Variants in C8orf34 observed in about 807,000 individuals in gnomAD.
C8orf34 encodes chromosome 8 open reading frame 34.
In C8orf34, 65 loss-of-function variants were observed where a neutral mutation model predicts 68.3. That is an observed-to-expected ratio of 0.95 (90% confidence interval 0.78 to 1.17). C8orf34 has a LOEUF of 1.17. Ranked by LOEUF, C8orf34 falls within the 50% of genes most tolerant of loss-of-function variation. C8orf34 has a pLI of 0.00. For missense variants in C8orf34, 664 were observed against 655.4 expected, an observed-to-expected ratio of 1.01 and a Z score of -0.14; for synonymous variants, 244 against 241.2, an observed-to-expected ratio of 1.01 and a Z score of -0.11.
At chr8:68,394,967 A>C (rs1213953302) in intron 1 of C8orf34, among the ~76,000 whole-genome samples, 1 of 152,076 alleles carries the variant, frequency 6.6e-6, no homozygotes, top group Non-Finnish European at 1.5e-5. Flanking sequence ...CAATGTTTGC[A>C]GTTTAAATTC....
chr8:68,561,308 T>C (rs1816418144), intron 7 of C8orf34, among the ~76,000 whole-genome samples: 1 of 152,066 alleles, frequency 6.6e-6, no homozygotes, highest in South Asian at 2.1e-4. Context: ...GTTAACTCTT[T>C]GACTCTTTTT....
chr8:68,688,879 G>A (rs1225598569), intron 8 of C8orf34, among the ~76,000 whole-genome samples: 1 of 151,960 alleles, frequency 6.6e-6, no homozygotes, highest in Non-Finnish European at 1.5e-5. Flanking sequence ...AATGCAGTTG[G>A]GGCTTAATAC....
intron 10 of C8orf34, among the ~76,000 whole-genome samples, chr8:68,725,148 T>C (rs1821793119): frequency 6.6e-6 from 1 of 152,208 alleles, no homozygotes; most frequent in Non-Finnish European, 1.5e-5. Flanking sequence ...ATTACAGGAA[T>C]GAGCTTCCTT....
chr8:68,640,553 G>T lies in C8orf34; in HGVS notation c.1241+42G>T, dbSNP rs1189465767. 4 of 1,558,742 alleles carry T rather than the reference G, an allele frequency of 2.6e-6. 1 individual carries two copies. In the South Asian group the frequency reaches 4.7e-5, roughly 18 times the overall value. The stretch of plus-strand genomic sequence containing the variant: ...GTATAGTATATATAAACATGATCTT[G>T]ATTTTTAAAATCTAAGATTTTGATA... On this transcript the variant is annotated intron_variant, in intron 8 of 13. Transcript: ENST00000518698.
chr8:68,400,454 T>C (rs1432099788), intron 1 of C8orf34, among the ~76,000 whole-genome samples: 1 of 152,186 alleles, frequency 6.6e-6, no homozygotes, highest in African/African-American at 2.4e-5. Context: ...GGATATCCTT[T>C]CCCTAGTGTA....
chr8:68,775,637 A>G (rs1348422234), intron 10 of C8orf34, among the ~76,000 whole-genome samples: 3 of 152,234 alleles, frequency 2.0e-5, no homozygotes, highest in Non-Finnish European at 4.4e-5. Context: ...TATGTAAAAA[A>G]TATTTTTAAG....
At chr8:68,461,548 C>T (rs4737908) in intron 3 of C8orf34, among the ~76,000 whole-genome samples, 65,745 of 151,968 alleles carry the variant, frequency 0.43, 14,648 homozygotes, top group East Asian at 0.57. Context: ...AGAGAAAGGT[C>T]GGGTTACCCT....
At chr8:68,558,200 A>G (rs75519090) in intron 7 of C8orf34, among the ~76,000 whole-genome samples, 16,887 of 152,130 alleles carry the variant, frequency 0.11, 1,172 homozygotes, top group Non-Finnish European at 0.15. Flanking sequence ...TTTTATTCTG[A>G]GTCAACACAG....
intron 4 of C8orf34, among the ~76,000 whole-genome samples, chr8:68,477,551 C>A (rs1363153166): frequency 2.0e-5 from 3 of 152,214 alleles, no homozygotes; most frequent in South Asian, 4.1e-4. Flanking sequence ...AATGGTAGAT[C>A]TACTGACAGC....
intron 7 of C8orf34, among the ~76,000 whole-genome samples, chr8:68,575,254 G>A (rs958373691): frequency 1.3e-5 from 2 of 151,920 alleles, no homozygotes; most frequent in South Asian, 2.1e-4. Context: ...ATATTAAAAC[G>A]CCAATAAAAT....
At chr8:68,358,158 A>G (rs571437380) in intron 1 of C8orf34, among the ~76,000 whole-genome samples, 2 of 152,298 alleles carry the variant, frequency 1.3e-5, no homozygotes, top group South Asian at 4.1e-4. Context: ...ATTTTGGTAC[A>G]TTATGAGCTA....
chr8:68,699,918 C>A (rs1820938623), intron 8 of C8orf34, among the ~76,000 whole-genome samples: 1 of 152,034 alleles, frequency 6.6e-6, no homozygotes, highest in African/African-American at 2.4e-5. Context: ...GAAAATTTAA[C>A]AGGAAAGAGG....
chr8:68,442,270 G>C (rs888274074), intron 2 of C8orf34, among the ~76,000 whole-genome samples: 1 of 152,006 alleles, frequency 6.6e-6, no homozygotes, highest in Non-Finnish European at 1.5e-5. Context: ...AGTTGGCAAA[G>C]GAAAATTTAA....
chr8:68,812,611 G>A (rs1025788919), intron 12 of C8orf34, among the ~76,000 whole-genome samples: 1 of 151,772 alleles, frequency 6.6e-6, no homozygotes, highest in African/African-American at 2.4e-5. Flanking sequence ...TAAAAAATTA[G>A]CCTATTAAGA....
rs765329397 is a variant in C8orf34, at chr8:68,493,402, G to GA, written c.765+5358dup. 2.6e-5 allele frequency among the ~76,000 whole-genome samples: 4 copies of GA among 152,072 alleles called. No homozygotes were observed. The East Asian group carries it at 7.7e-4, about 29-fold the overall frequency. On this transcript the variant is annotated intron_variant, in intron 5 of 13. Coordinates refer to ENST00000518698, the MANE Select transcript of C8orf34 (RefSeq NM_052958.4). ...GCTCCATATCACTAATCACCAGAGG[G>GA]AAAAAAACACGATGAGATACCCTCT...
chr8:68,445,481 G>C (rs958231798), intron 2 of C8orf34, among the ~76,000 whole-genome samples: 2 of 152,166 alleles, frequency 1.3e-5, no homozygotes, highest in Admixed American at 1.3e-4. Context: ...TCTTGTAAAA[G>C]AAGTCAAGAG....
chr8:68,369,249 C>T (rs1242903098), intron 1 of C8orf34, among the ~76,000 whole-genome samples: 3 of 152,290 alleles, frequency 2.0e-5, no homozygotes, highest in South Asian at 2.1e-4. Context: ...ATTCACTGCC[C>T]GTAAATCACT....
chr8:68,712,249 T>C (rs1270114136), intron 9 of C8orf34, among the ~76,000 whole-genome samples: 6 of 152,024 alleles, frequency 3.9e-5, no homozygotes, highest in Non-Finnish European at 5.9e-5. Flanking sequence ...AGCATAAATC[T>C]CACAGGACCT....
intron 7 of C8orf34, 142 bp from the exon 8 acceptor site, chr8:68,640,234 G>C: frequency 1.5e-6 from 1 of 674,890 alleles, no homozygotes; most frequent in South Asian, 2.0e-5. Flanking sequence ...AAAAATAATT[G>C]ATATATGTAG....
Sources: gnomAD v4.1 joint callset for allele counts (sites outside exome capture counted in the v4.1 genomes callset) on GRCh38, gnomAD v4.1.1 for gene constraint, MANE v1.5 for transcripts, NCBI Gene and HGNC (gene_info 2026-07-23, HGNC 2026-07-21) for gene names.